Variants in VPS50 observed in about 807,000 individuals in gnomAD.
The protein encoded by VPS50 is VPS50 subunit of EARP/GARPII complex, also known as syndetin.
VPS50 carries 70 observed loss-of-function variants against 139.7 expected under a neutral mutation model. The observed-to-expected ratio is 0.50, with a 90% CI of 0.41 to 0.61. The LOEUF is 0.61. VPS50 is among the 20% of genes least tolerant of loss of function. The pLI, the probability that VPS50 is intolerant of heterozygous loss-of-function variation, is 0.00. For missense variants in VPS50, 921 were observed against 1,133.7 expected (o/e 0.81, Z 2.69); for synonymous variants, 365 against 376.7 (o/e 0.97, Z 0.36).
chr7:93,314,913 T>G (rs936675914), intron 20 of VPS50, among the ~76,000 whole-genome samples: 2 of 152,016 alleles, frequency 1.3e-5, no homozygotes, highest in African/African-American at 4.8e-5. Context: ...GGCATATTCT[T>G]TATCATTGAG....
intron 12 of VPS50, among the ~76,000 whole-genome samples, chr7:93,281,987 G>C (rs1443252358): frequency 3.3e-5 from 5 of 151,990 alleles, no homozygotes; most frequent in South Asian, 2.1e-4. Context: ...GGTGGATCAC[G>C]AGGTCAGGAG....
Position 93,321,791 on chromosome 7 carries a change from G to A in VPS50, c.1856-1820G>A, listed in dbSNP as rs561501105. ...AGAGGACCTCGTGTTCTAGATGCATGCCAGCCTACTTATTTGCATTCTACC... is the reference window on the plus strand; with the variant it reads ...AGAGGACCTCGTGTTCTAGATGCATACCAGCCTACTTATTTGCATTCTACC... On this transcript the variant is annotated intron_variant, in intron 20 of 27. Coordinates refer to ENST00000305866, the MANE Select transcript of VPS50 (RefSeq NM_017667.4). Among the ~76,000 whole-genome samples the A allele has an allele frequency of 4.6e-5, 7 of 152,220 alleles. No homozygotes were observed. The South Asian group carries it at 1.5e-3, about 32-fold the overall frequency.
In VPS50 at chr7:93,303,550, T is replaced by A. The variant is rs1797037947; in HGVS notation, c.1452T>A (p.His484Gln). The change falls in exon 17 of 28, where the codon CAT (histidine) becomes CAA (glutamine). Residue 484 changes from histidine (H) to glutamine (Q), a missense_variant and splice_region_variant. His to Gln is a conservative substitution (Grantham distance 24). Transcript: ENST00000305866. ...VKSNFSILQL[H>Q]EFKFMEQSRS... is the part of the protein sequence containing the mutation. The stretch of plus-strand genomic sequence containing the variant: ...CAAATTTCAGCATCTTGCAACTTCA[T>A]GTAAGTGTTTCTTAAGAACAAAGAA... The A allele has an allele frequency of 7.0e-7, 1 of 1,425,038 alleles. No homozygotes were observed. Among genetic ancestry groups the A allele is most frequent in the Admixed American group, 1.7e-5 (1 of 58,052 alleles). 88.3% of individuals were successfully genotyped at this position (1,425,038 alleles called of 1,614,324 possible). A position where few individuals can be genotyped will look rare whatever the true frequency, so the allele number is the denominator to read the frequency against.
chr7:93,232,585 C>A (rs1272790370), intron 1 of VPS50, 85 bp downstream of exon 1: 3 of 1,235,926 alleles, frequency 2.4e-6, no homozygotes, highest in East Asian at 4.7e-5. Flanking sequence ...CAGTGGCGGG[C>A]GGGGATCTAA....
At chr7:93,338,821 G>A (rs1203007916) in intron 22 of VPS50, among the ~76,000 whole-genome samples, 1 of 152,204 alleles carries the variant, frequency 6.6e-6, no homozygotes, top group Non-Finnish European at 1.5e-5. Context: ...TTAACTGTGT[G>A]GAAACTGGCA....
chr7:93,348,768 T>A lies in VPS50; in HGVS notation c.2265T>A (p.Pro755=). 2 of 1,613,624 alleles carry A rather than the reference T, an allele frequency of 1.2e-6. No individual in the cohort carries two copies. The highest frequency in any genetic ancestry group is 1.7e-6 in the Non-Finnish European group (2 of 1,179,632). Residue 755 remains proline (P), a synonymous_variant, in exon 24 of 28, where the codon CCT becomes CCA. Transcript: ENST00000305866. The stretch of plus-strand genomic sequence containing the variant: ...AGCCACATCTGGATGCTGTGATGCC[T>A]GCAGTCAAAAAGCCCTTTCTTCAGC... The part of the protein sequence containing the change: ...FLQPHLDAVM[P]AVKKPFLQQF...
intron 20 of VPS50, among the ~76,000 whole-genome samples, chr7:93,315,656 G>T (rs1468070398): frequency 1.3e-5 from 2 of 152,144 alleles, no homozygotes; most frequent in Non-Finnish European, 2.9e-5. Context: ...ATTTAATTAT[G>T]AGTGAATTGA....
intron 1 of VPS50, among the ~76,000 whole-genome samples, chr7:93,236,261 A>G (rs961248313): frequency 1.3e-5 from 2 of 152,180 alleles, no homozygotes; most frequent in East Asian, 3.8e-4. Flanking sequence ...TGCCCCAACT[A>G]CAGCAGTTTT....
At chr7:93,283,801 T>C (rs1292795103) in intron 12 of VPS50, among the ~76,000 whole-genome samples, 1 of 152,154 alleles carries the variant, frequency 6.6e-6, no homozygotes, top group Non-Finnish European at 1.5e-5. Context: ...GGAAATATCA[T>C]GAGCAATGCC....
intron 2 of VPS50, among the ~76,000 whole-genome samples, chr7:93,247,955 G>C (rs998061482): frequency 2.6e-5 from 4 of 151,862 alleles, no homozygotes; most frequent in Admixed American, 1.3e-4. Context: ...GGGTAATGCT[G>C]ATAATACTTT....
chr7:93,293,473 T>C (rs1796708804), intron 13 of VPS50, among the ~76,000 whole-genome samples: 1 of 152,204 alleles, frequency 6.6e-6, no homozygotes, highest in Non-Finnish European at 1.5e-5. Context: ...CTAATCTGTA[T>C]ATTTTATGGA....
At chr7:93,352,901 G>A (rs73712847) in intron 25 of VPS50, among the ~76,000 whole-genome samples, 2 of 151,890 alleles carry the variant, frequency 1.3e-5, no homozygotes, top group Non-Finnish European at 2.9e-5. Flanking sequence ...TAATCATTTG[G>A]TATACAGGTT....
intron 22 of VPS50, among the ~76,000 whole-genome samples, chr7:93,336,839 TAAA>T (rs35452094): frequency 0.48 from 72,989 of 151,832 alleles, 19,284 homozygotes; most frequent in African/African-American, 0.7. Flanking sequence ...TCTTTGATAA[TAAA>T]AAGTATTTTA....
chr7:93,239,664 A>G (rs1794920075), intron 1 of VPS50, among the ~76,000 whole-genome samples: 1 of 152,176 alleles, frequency 6.6e-6, no homozygotes. Flanking sequence ...TTATTTTAAA[A>G]TACCAAAAGT....
intron 22 of VPS50, among the ~76,000 whole-genome samples, chr7:93,336,870 T>C (rs1480995795): frequency 1.3e-5 from 2 of 152,190 alleles, no homozygotes; most frequent in African/African-American, 4.8e-5. Context: ...CCAGAAAAAT[T>C]CATAAATATG....
At chr7:93,341,282 G>GA in intron 22 of VPS50, 145 bp from the exon 23 acceptor site, 1 of 573,686 alleles carries the variant, frequency 1.7e-6, no homozygotes, top group African/African-American at 1.9e-5. Flanking sequence ...TTACAAACAT[G>GA]AAAGCAGGAT....
chr7:93,258,953 G>A (rs547368702), intron 8 of VPS50, among the ~76,000 whole-genome samples: 16 of 151,906 alleles, frequency 1.1e-4, no homozygotes, highest in Non-Finnish European at 1.9e-4. Flanking sequence ...TTGAGCATAG[G>A]GAAAAGTTTT....
intron 12 of VPS50, 91 bp from the exon 13 acceptor site, chr7:93,291,611 AT>A (rs1374369880): frequency 1.4e-6 from 1 of 696,748 alleles, no homozygotes; most frequent in Non-Finnish European, 2.1e-6. Context: ...GTTATTTCTA[AT>A]TTTTGAATAT....
In VPS50 at chr7:93,253,846, A is replaced by T. The variant is rs73712821; in HGVS notation, c.226-14A>T. ...TTTATTTTTTCCTCTTCTTTCATGA[A>T]TTTTTTTCTGTAGAAGCTTCCACCT... On this transcript the variant is annotated splice_polypyrimidine_tract_variant and intron_variant, in intron 3 of 27. Coordinates refer to ENST00000305866, the MANE Select transcript of VPS50 (RefSeq NM_017667.4). The T allele has an allele frequency of 1.5e-3, 2,273 of 1,523,220 alleles. 28 individuals are homozygous for T. In the African/African-American group the frequency reaches 0.026, roughly 17 times the overall value. The allele number at this position is 1,523,220 out of a possible 1,614,324, so 94.4% of individuals were successfully genotyped here.
Sources: allele counts gnomAD v4.1 joint callset (sites outside exome capture counted in the v4.1 genomes callset), GRCh38; gene constraint gnomAD v4.1.1; transcripts MANE v1.5; gene names NCBI Gene and HGNC (gene_info 2026-07-23, HGNC 2026-07-21).